The following DAPK1 variants were observed in gnomAD, a reference collection of about 807,000 sequenced individuals.
DAPK1 encodes death associated protein kinase 1, also known as death-associated protein kinase 1.
A neutral mutation model predicts 144.9 loss-of-function variants in DAPK1; 56 were observed. That is an observed-to-expected ratio of 0.39 (90% CI 0.31 to 0.48). The LOEUF (loss-of-function observed/expected upper bound fraction) is 0.48, where lower values mean the gene tolerates loss of function less well. DAPK1 is among the 20% of genes least tolerant of loss of function. The pLI is 0.95. For missense variants in DAPK1, 1,454 were observed against 1,875.4 expected (o/e 0.78, Z 4.15); for synonymous variants, 690 against 749.0 (o/e 0.92, Z 1.29).
At chr9:87,626,778 TG>T (rs1317790244) in intron 3 of DAPK1, among the ~76,000 whole-genome samples, 3 of 152,196 alleles carry the variant, frequency 2.0e-5, no homozygotes, top group Admixed American at 1.3e-4. Flanking sequence ...TTAATAGCAA[TG>T]GGTATTGCTG....
chr9:87,509,203 G>A (rs2118087422), intron 2 of DAPK1, among the ~76,000 whole-genome samples: 1 of 152,330 alleles, frequency 6.6e-6, no homozygotes, highest in African/African-American at 2.4e-5. Context: ...TTTAATGGGT[G>A]CTGCTCATGT....
At chr9:87,600,318 A>G (rs750660464) in intron 2 of DAPK1, among the ~76,000 whole-genome samples, 1 of 152,122 alleles carries the variant, frequency 6.6e-6, no homozygotes, top group South Asian at 2.1e-4. Context: ...TCCTGCAGTG[A>G]CTCATGCCTG....
chr9:87,533,716 G>A (rs1438276939), intron 2 of DAPK1, among the ~76,000 whole-genome samples: 2 of 152,232 alleles, frequency 1.3e-5, no homozygotes, highest in African/African-American at 2.4e-5. Flanking sequence ...AGGCTGGAGT[G>A]CAGTGGCGTG....
chr9:87,584,069 G>A (rs1037560663), intron 2 of DAPK1, among the ~76,000 whole-genome samples: 1 of 152,110 alleles, frequency 6.6e-6, no homozygotes, highest in Non-Finnish European at 1.5e-5. Flanking sequence ...TAAATTGACA[G>A]ATAAAATTGC....
At chr9:87,657,869 C>A (rs1587818347) in intron 17 of DAPK1, 160 bp from the exon 18 acceptor site, 2 of 639,004 alleles carry the variant, frequency 3.1e-6, no homozygotes, top group East Asian at 2.8e-5. Context: ...TTCTGCCTGG[C>A]TGGCCTGCCC....
chr9:87,616,894 A>G (rs1048735565), intron 3 of DAPK1, among the ~76,000 whole-genome samples: 22 of 152,194 alleles, frequency 1.4e-4, no homozygotes, highest in African/African-American at 5.3e-4. Flanking sequence ...TTTTCAAGGG[A>G]ACCTTTTGAT....
At chr9:87,572,027 G>A (rs1228091521) in intron 2 of DAPK1, among the ~76,000 whole-genome samples, 2 of 152,194 alleles carry the variant, frequency 1.3e-5, no homozygotes, top group East Asian at 3.9e-4. Flanking sequence ...GGAGGATTCT[G>A]TCATGCCAAG....
At position 87,546,569 on chromosome 9, in the gene DAPK1, G is replaced by A. The variant is rs36231472; in HGVS notation, c.62+47430G>A. 9.5e-3 allele frequency among the ~76,000 whole-genome samples: 1,449 copies of A among 152,316 alleles called. 20 individuals carry two copies. Among genetic ancestry groups the A allele is most frequent in the South Asian group, 0.027 (132 of 4,822 alleles). ...ATCCACTAGTTCTGGGAGGGGCAGT[G>A]CCTCCAGGGTCAACAAGGCCTCAAT... On this transcript the variant is annotated intron_variant, in intron 2 of 25. Coordinates refer to ENST00000408954, the MANE Select transcript of DAPK1 (RefSeq NM_004938.4).
At chr9:87,696,951 G>T (rs1463965820) in intron 21 of DAPK1, 56 bp from the exon 22 acceptor site, 1 of 879,658 alleles carries the variant, frequency 1.1e-6, no homozygotes, top group Non-Finnish European at 2.0e-6. Flanking sequence ...GAGAATTTAT[G>T]ATTGAAATTT....
chr9:87,648,115 G>A (rs1830330683), intron 14 of DAPK1, among the ~76,000 whole-genome samples: 2 of 152,182 alleles, frequency 1.3e-5, no homozygotes, highest in East Asian at 1.9e-4. Context: ...ATATCTGAGG[G>A]GTAACATTCA....
intron 2 of DAPK1, among the ~76,000 whole-genome samples, chr9:87,578,496 C>T (rs1827638775): frequency 6.6e-6 from 1 of 152,138 alleles, no homozygotes. Context: ...GGATAGATTG[C>T]TAGAAGTAGA....
intron 2 of DAPK1, chr9:87,525,287 A>G (rs370394710): frequency 3.1e-6 from 5 of 1,594,956 alleles, no homozygotes; most frequent in African/African-American, 1.3e-5. Flanking sequence ...ACCTCGTTGC[A>G]CTCCTGAGAG....
At chr9:87,524,977 A>G (rs1207015166) in intron 2 of DAPK1, among the ~76,000 whole-genome samples, 2 of 152,204 alleles carry the variant, frequency 1.3e-5, no homozygotes, top group African/African-American at 2.4e-5. Flanking sequence ...AAAATTTCAC[A>G]GATCCCCACT....
chr9:87,606,284 C>T (rs916376553), intron 3 of DAPK1, among the ~76,000 whole-genome samples: 5 of 152,180 alleles, frequency 3.3e-5, no homozygotes, highest in African/African-American at 1.2e-4. Flanking sequence ...CTTGTCTCAT[C>T]ACTGGGATTT....
rs1290569071 is a variant in DAPK1, at chr9:87,648,836, A to G, written c.1385A>G (p.Gln462Arg). The G allele has an allele frequency of 6.2e-7, 1 of 1,614,248 alleles. No homozygotes were observed. The highest frequency in any genetic ancestry group is 8.5e-7 in the Non-Finnish European group (1 of 1,180,038). The change falls in exon 15 of 26, where the codon CAG (glutamine) becomes CGG (arginine). Residue 462 changes from glutamine to arginine, a missense_variant. Coordinates refer to ENST00000408954, the MANE Select transcript of DAPK1 (RefSeq NM_004938.4). ...CGCTATGGCCATGCTGACGTGGCTCAGTTACTGTGCAGCTTCGGCTCAAAT... is the reference window on the plus strand; with the variant it reads ...CGCTATGGCCATGCTGACGTGGCTCGGTTACTGTGCAGCTTCGGCTCAAAT... ...AARYGHADVA[Q>R]LLCSFGSNPN...
intron 19 of DAPK1, among the ~76,000 whole-genome samples, chr9:87,671,509 G>GT (rs11428349): frequency 0.44 from 66,091 of 149,392 alleles, 15,630 homozygotes; most frequent in South Asian, 0.58. Flanking sequence ...TTTTTTCTTT[G>GT]TTTTTTTTTG....
chr9:87,708,050 GT>G lies in DAPK1; in HGVS notation c.*690del, dbSNP rs1320563671. 9.7e-6 allele frequency: 3 copies of G among 308,202 alleles called. No homozygotes were observed. Among genetic ancestry groups the G allele is most frequent in the African/African-American group, 6.6e-5 (3 of 45,274 alleles). The allele number at this position is 308,202 out of a possible 1,614,324, so 19.1% of individuals were successfully genotyped here. On this transcript the variant is annotated 3_prime_UTR_variant, in exon 26 of 26. Transcript: ENST00000408954. ...TGTATTGTTTTCTGACAGTTTTTCT[GT>G]TTTGTTTGGCAAGGAAAGGGGAGAA...
chr9:87,590,373 AAAAAAAAAAAAAG>A (rs796188876), intron 2 of DAPK1, among the ~76,000 whole-genome samples: 50 of 146,906 alleles, frequency 3.4e-4, no homozygotes, highest in African/African-American at 1.2e-3. Context: ...TGGCCTCAAA[AAAAAAAAAAAAAG>A]AAAAGAAAAG....
chr9:87,576,508 A>C (rs1011615528), intron 2 of DAPK1, among the ~76,000 whole-genome samples: 2 of 152,124 alleles, frequency 1.3e-5, no homozygotes, highest in African/African-American at 4.8e-5. Flanking sequence ...TCTGCCCCTC[A>C]TGAGCTGCCT....
Sources: allele counts gnomAD v4.1 joint callset (sites outside exome capture counted in the v4.1 genomes callset), GRCh38; gene constraint gnomAD v4.1.1; transcripts MANE v1.5; gene names NCBI Gene and HGNC (gene_info 2026-07-23, HGNC 2026-07-21).